The following TBX20 variants were observed in gnomAD, a reference collection of about 807,000 sequenced individuals.
The protein encoded by TBX20 is T-box transcription factor 20.
Under a neutral mutation model 42.9 loss-of-function variants are expected in TBX20, and 8 were observed. The ratio of observed to expected loss-of-function variants is 0.19; its 90% CI spans 0.11 to 0.34. The LOEUF is 0.34. Ranked by LOEUF, TBX20 falls within the 10% of genes least tolerant of loss-of-function variation. TBX20 has a pLI of 1.00. For synonymous variants in TBX20, 198 were observed against 222.8 expected (o/e 0.89, Z 0.99); for missense variants, 411 against 566.0 (o/e 0.73, Z 2.78).
In TBX20 at chr7:35,226,519, T is replaced by C. The variant is rs150851054; in HGVS notation, c.890+4985A>G. On this transcript the variant is annotated intron_variant, in intron 6 of 7. Transcript: ENST00000408931. ...AGACAACGATCATGTCGGACAAAGA[T>C]GTAAAGGAATGGTAACTGCTGTGAA... Among the ~76,000 whole-genome samples the C allele has an allele frequency of 5.9e-4, 90 of 151,608 alleles. No individual in the cohort carries two copies. In the East Asian group the frequency reaches 0.014, roughly 23 times the overall value.
intron 6 of TBX20, among the ~76,000 whole-genome samples, chr7:35,212,488 G>A (rs1206174392): frequency 1.3e-5 from 2 of 152,142 alleles, no homozygotes; most frequent in Non-Finnish European, 2.9e-5. Context: ...TTTGTCAGGT[G>A]CTGAATATGT....
intron 5 of TBX20, among the ~76,000 whole-genome samples, chr7:35,234,850 C>T (rs1486254512): frequency 1.3e-5 from 2 of 152,104 alleles, no homozygotes; most frequent in South Asian, 4.1e-4. Context: ...TGGGTTGATG[C>T]TACACATTCC....
intron 4 of TBX20, among the ~76,000 whole-genome samples, chr7:35,244,320 T>C (rs1462166782): frequency 2.0e-5 from 3 of 152,240 alleles, no homozygotes; most frequent in Admixed American, 1.3e-4. Flanking sequence ...GAGTTAATTT[T>C]TCTTTTTTCC....
rs1790255270 is a variant in TBX20 at position 35,249,141 on chromosome 7, A to G, written c.381-300T>C. Among the ~76,000 whole-genome samples, 1 of 152,096 alleles carries G rather than the reference A, an allele frequency of 6.6e-6. No homozygotes were observed. The highest frequency in any genetic ancestry group is 6.5e-5 in the Admixed American group (1 of 15,276). On this transcript the variant is annotated intron_variant, in intron 2 of 7. Transcript: ENST00000408931. The surrounding 1 kb of genome is among the most constrained non-coding windows in gnomAD (Gnocchi z 4.3). ...AACTCCAGAAGGTCTGTGATTAGGGAAAATCCCATGCATTTTAACGATCAA... is the reference window on the plus strand; with the variant it reads ...AACTCCAGAAGGTCTGTGATTAGGGGAAATCCCATGCATTTTAACGATCAA...
rs758158152 is a variant in TBX20, at chr7:35,248,841, C to T, written c.381G>A (p.Arg127=). ...ACACCCGGATGGTTGGAAACATCCT[C>T]CTGACAGAGAGAGAGAGAGAGAATG... is the stretch of plus-strand genomic sequence containing the variant. ...GTEMIITKSG[R]RMFPTIRVSF... Residue 127 remains arginine, a splice_region_variant and synonymous_variant, in exon 3 of 8, where the codon AGG becomes AGA. Transcript: ENST00000408931. The T allele has an allele frequency of 6.2e-7, 1 of 1,614,008 alleles. No individual in the cohort carries two copies. Among genetic ancestry groups the T allele is most frequent in the Admixed American group, 1.7e-5 (1 of 60,014 alleles).
intron 6 of TBX20, among the ~76,000 whole-genome samples, chr7:35,206,072 C>T (rs954881434): frequency 6.6e-6 from 1 of 152,176 alleles, no homozygotes; most frequent in African/African-American, 2.4e-5. Context: ...CTAGAATGTT[C>T]CAGTTTCCAG....
Position 35,248,683 on chromosome 7 carries a change from G to A in TBX20, c.539C>T (p.Pro180Leu), listed in dbSNP as rs1790241206. ...AAAATCTGGAGGCACGAACCTGGCT[G>A]GCAACGGCGGGTCGGCCTTGCCAGC... The part of the protein sequence containing the change: ...LVAGKADPPL[P>L]ARLYVHPDSP... Residue 180 changes from proline (P) to leucine (L), a missense_variant, in exon 3 of 8, where the codon CCA becomes CTA. Transcript: ENST00000408931. 3.1e-6 allele frequency: 5 copies of A among 1,612,406 alleles called. No individual in the cohort carries two copies. The highest frequency in any genetic ancestry group is 3.4e-6 in the Non-Finnish European group (4 of 1,179,888).
In TBX20 at chr7:35,219,018, ATGT is replaced by A. The variant is rs1323629721; in HGVS notation, c.890+12483_890+12485del. ...CAGCCTCCAGAGTTGTAAGAAATAA[ATGT>A]TGTTTATAAGCTACCTTGTTTATGG... On this transcript the variant is annotated intron_variant, in intron 6 of 7. Coordinates refer to ENST00000408931, the MANE Select transcript of TBX20 (RefSeq NM_001077653.2). 5.3e-5 allele frequency among the ~76,000 whole-genome samples: 8 copies of A among 152,326 alleles called. No homozygotes were observed. The East Asian group carries it at 1.3e-3, about 26-fold the overall frequency.
chr7:35,253,372 AC>A (rs1456655608), intron 1 of TBX20, 121 bp downstream of exon 1: 8 of 1,178,948 alleles, frequency 6.8e-6, no homozygotes, highest in Non-Finnish European at 8.4e-6. Flanking sequence ...AAGATCTCCC[AC>A]CCGCGATGTA....
rs1185529388 is a variant in TBX20 at position 35,253,684 on chromosome 7, G to T, written c.-64C>A. On this transcript the variant is annotated 5_prime_UTR_variant, in exon 1 of 8. Transcript: ENST00000408931. Reference sequence around the variant, plus strand: ...CCGAACTGCCGTCCAGATTCCCCAAGGGAGACAAAGACCCGAAACACAGCT... The same window carrying T: ...CCGAACTGCCGTCCAGATTCCCCAATGGAGACAAAGACCCGAAACACAGCT... 5.1e-6 allele frequency: 8 copies of T among 1,581,416 alleles called. No individual in the cohort carries two copies. In the Admixed American group the frequency reaches 1.2e-4, roughly 24 times the overall value.
chr7:35,216,045 T>C (rs1789583811), intron 6 of TBX20, among the ~76,000 whole-genome samples: 1 of 152,206 alleles, frequency 6.6e-6, no homozygotes, highest in Non-Finnish European at 1.5e-5. Context: ...CCTCCTTTAC[T>C]GCAATTACTA....
chr7:35,249,413 G>A lies in TBX20; in HGVS notation c.380+538C>T, dbSNP rs1423536365. ...GCAGCTTCCTGCCTGGCCAAAGCCCGCCCGGCTCTGGCGCCAAGAGGCCCC... is the reference window on the plus strand; with the variant it reads ...GCAGCTTCCTGCCTGGCCAAAGCCCACCCGGCTCTGGCGCCAAGAGGCCCC... On this transcript the variant is annotated intron_variant, in intron 2 of 7. Coordinates refer to ENST00000408931, the MANE Select transcript of TBX20 (RefSeq NM_001077653.2). This position sits in a 1 kb window ranked among gnomAD's most constrained non-coding sequence, Gnocchi z 4.3. 6.6e-6 allele frequency among the ~76,000 whole-genome samples: 1 copy of A among 152,242 alleles called. No individual in the cohort carries two copies. Among genetic ancestry groups the A allele is most frequent in the Non-Finnish European group, 1.5e-5 (1 of 68,048 alleles).
chr7:35,231,449 T>G, intron 6 of TBX20, 55 bp downstream of exon 6: 1 of 1,239,922 alleles, frequency 8.1e-7, no homozygotes. Flanking sequence ...TGTTACAAAC[T>G]CCCTCTTCTC....
At chr7:35,241,716 C>A (rs1790085795) in intron 4 of TBX20, among the ~76,000 whole-genome samples, 1 of 152,090 alleles carries the variant, frequency 6.6e-6, no homozygotes, top group Non-Finnish European at 1.5e-5. Flanking sequence ...GTTATTAAAC[C>A]AAACTTGAAT....
At chr7:35,219,117 C>T (rs373865377) in intron 6 of TBX20, among the ~76,000 whole-genome samples, 2 of 152,252 alleles carry the variant, frequency 1.3e-5, no homozygotes, top group South Asian at 2.1e-4. Flanking sequence ...TCCTATCCCT[C>T]CAAGCAGAGG....
intron 3 of TBX20, 57 bp from the exon 4 acceptor site, chr7:35,245,114 G>A (rs553898669): frequency 1.5e-6 from 2 of 1,290,862 alleles, no homozygotes; most frequent in African/African-American, 1.5e-5. Flanking sequence ...TGTCTCTGTA[G>A]GTTATAAAAT....
At chr7:35,228,855 T>C (rs1789820868) in intron 6 of TBX20, among the ~76,000 whole-genome samples, 1 of 152,164 alleles carries the variant, frequency 6.6e-6, no homozygotes, top group Non-Finnish European at 1.5e-5. Context: ...GAAAACACTT[T>C]CTATTTTTGC....
intron 3 of TBX20, among the ~76,000 whole-genome samples, chr7:35,247,741 A>G (rs369988422): frequency 1.2e-4 from 19 of 152,234 alleles, no homozygotes; most frequent in South Asian, 2.1e-4. Context: ...TAGTCATTAA[A>G]CAACAAAAAT....
chr7:35,251,910 C>T, intron 1 of TBX20, among the ~76,000 whole-genome samples: 1 of 152,300 alleles, frequency 6.6e-6, no homozygotes, highest in Middle Eastern at 3.4e-3. Context: ...CTTTCAGAGC[C>T]CATCTCAAAA....
Sources: allele counts gnomAD v4.1 joint callset (sites outside exome capture counted in the v4.1 genomes callset), GRCh38; gene constraint gnomAD v4.1.1; non-coding constraint Gnocchi (gnomAD v3.1); transcripts MANE v1.5; gene names NCBI Gene and HGNC (gene_info 2026-07-23, HGNC 2026-07-21).